The following CTNNA2 variants were observed in gnomAD, a reference collection of about 807,000 sequenced individuals.
CTNNA2 encodes catenin alpha 2.
Under a neutral mutation model 101.0 loss-of-function variants are expected in CTNNA2, and 42 were observed. The ratio of observed to expected loss-of-function variants is 0.42; its 90% CI spans 0.32 to 0.54. The LOEUF is 0.54. Among genes scored for constraint, CTNNA2 ranks in the 20% least tolerant of loss-of-function variants. The pLI is 0.14. For missense variants in CTNNA2, 871 were observed against 1,223.1 expected (o/e 0.71, Z 4.29); for synonymous variants, 450 against 456.4 (o/e 0.99, Z 0.18).
chr2:80,547,330 A>G (rs1435146939), intron 11 of CTNNA2, among the ~76,000 whole-genome samples: 1 of 152,164 alleles, frequency 6.6e-6, no homozygotes, highest in Non-Finnish European at 1.5e-5. Flanking sequence ...TCTCATCAAA[A>G]TTCTATAAAA....
intron 9 of CTNNA2, among the ~76,000 whole-genome samples, chr2:80,537,087 C>T (rs759772943): frequency 2.0e-5 from 3 of 152,058 alleles, no homozygotes; most frequent in Non-Finnish European, 4.4e-5. Context: ...ATCCCACCCC[C>T]TGACAGGCCC....
At position 79,553,211 on chromosome 2, in the gene CTNNA2, A is replaced by G. The variant is rs75250996; in HGVS notation, c.-6+40004A>G. On this transcript the variant is annotated intron_variant, in intron 1 of 18. Coordinates refer to ENST00000402739, the MANE Select transcript of CTNNA2 (RefSeq NM_001282597.3). ...TACTTTCAAGTTCAAATTTCCAAAT[A>G]TGTTCCTTCTCTCCATTGAGACCTC... 8.5e-5 allele frequency among the ~76,000 whole-genome samples: 13 copies of G among 152,246 alleles called. 1 individual carries two copies. In the East Asian group the frequency reaches 1.9e-3, roughly 23 times the overall value.
intron 1 of CTNNA2, among the ~76,000 whole-genome samples, chr2:79,186,121 G>A (rs1465501695): frequency 2.6e-5 from 4 of 152,168 alleles, no homozygotes; most frequent in African/African-American, 9.7e-5. Flanking sequence ...AAGGCTAGGT[G>A]CCTGGGGTTT....
chr2:79,234,842 G>C (rs1274216648), intron 2 of CTNNA2, among the ~76,000 whole-genome samples: 1 of 152,088 alleles, frequency 6.6e-6, no homozygotes, highest in Non-Finnish European at 1.5e-5. Context: ...TTCCAATTGT[G>C]TTGTGGAATT....
rs35795985 is a variant in CTNNA2, at chr2:79,463,985, G to GT, written c.-134-41056dup. Among the ~76,000 whole-genome samples, 837 of 148,502 alleles carry GT rather than the reference G, an allele frequency of 5.6e-3. 8 individuals are homozygous for GT. The highest frequency in any genetic ancestry group is 0.017 in the African/African-American group (701 of 40,512). On this transcript the variant is annotated intron_variant, in intron 4 of 21. Coordinates refer to the CTNNA2 transcript ENST00000466387. Reference sequence around the variant, plus strand: ...GACAGCATGGCCGGGCTTAAAGAAAGTTTTTTTTTTTTTAATACTCTAAGT... The same window carrying GT: ...GACAGCATGGCCGGGCTTAAAGAAAGTTTTTTTTTTTTTTAATACTCTAAGT...
At chr2:80,207,470 G>T (rs886589444) in intron 7 of CTNNA2, among the ~76,000 whole-genome samples, 16 of 152,164 alleles carry the variant, frequency 1.1e-4, no homozygotes, top group Admixed American at 1.0e-3. Context: ...GAGGCAGAGA[G>T]CATCCTTAAA....
At chr2:80,203,471 A>G (rs1707338563) in intron 7 of CTNNA2, among the ~76,000 whole-genome samples, 1 of 152,364 alleles carries the variant, frequency 6.6e-6, no homozygotes, top group Admixed American at 6.5e-5. Flanking sequence ...GGCCCCATGC[A>G]AGTCTGAAAT....
At chr2:80,632,661 C>T (rs1408108642) in intron 18 of CTNNA2, among the ~76,000 whole-genome samples, 1 of 152,072 alleles carries the variant, frequency 6.6e-6, no homozygotes, top group Non-Finnish European at 1.5e-5. Context: ...GCTTATCATG[C>T]CCTCATGCTA....
At chr2:79,678,388 C>G (rs1333941980) in intron 2 of CTNNA2, among the ~76,000 whole-genome samples, 1 of 151,770 alleles carries the variant, frequency 6.6e-6, no homozygotes, top group Non-Finnish European at 1.5e-5. Flanking sequence ...CAAAAAAATC[C>G]AAAAGTTAGT....
chr2:80,383,019 C>A (rs1344420370), intron 7 of CTNNA2, among the ~76,000 whole-genome samples: 1 of 152,104 alleles, frequency 6.6e-6, no homozygotes, highest in Admixed American at 6.6e-5. Flanking sequence ...CATTTTTTAG[C>A]AGTTTGCTCA....
intron 7 of CTNNA2, among the ~76,000 whole-genome samples, chr2:79,985,239 C>A (rs902870746): frequency 1.3e-5 from 2 of 152,190 alleles, no homozygotes; most frequent in Non-Finnish European, 2.9e-5. Flanking sequence ...GTGCTGCACA[C>A]TCCATGCCTT....
At chr2:80,620,436 G>T (rs771596410) in intron 18 of CTNNA2, among the ~76,000 whole-genome samples, 10 of 151,734 alleles carry the variant, frequency 6.6e-5, no homozygotes, top group Non-Finnish European at 1.0e-4. Flanking sequence ...AGCTGATACT[G>T]CCCTCTTTAG....
chr2:79,591,347 C>G (rs571804131), intron 1 of CTNNA2, among the ~76,000 whole-genome samples: 20 of 152,180 alleles, frequency 1.3e-4, no homozygotes, highest in Middle Eastern at 3.4e-3. Context: ...CATTTTAAAC[C>G]ATGACCTTGA....
At chr2:79,551,599 T>A (rs2104056688) in intron 1 of CTNNA2, among the ~76,000 whole-genome samples, 1 of 152,250 alleles carries the variant, frequency 6.6e-6, no homozygotes, top group South Asian at 2.1e-4. Context: ...TCAGGGTGTA[T>A]TAAGCCATTC....
intron 1 of CTNNA2, among the ~76,000 whole-genome samples, chr2:79,538,172 TAATA>T (rs1673186249): frequency 6.6e-6 from 1 of 152,058 alleles, no homozygotes; most frequent in African/African-American, 2.4e-5. Flanking sequence ...TATAACCTAT[TAATA>T]AATACTGTGA....
At position 79,612,165 on chromosome 2, in the gene CTNNA2, A is replaced by G. The variant is rs148700805; in HGVS notation, c.-5-39387A>G. On this transcript the variant is annotated intron_variant, in intron 1 of 18. Transcript: ENST00000402739. ...GTTAGTAGCCAGTCCTGGTAGAACA[A>G]ATGAATCCTGAGTGCAATATTCTGT... 2.0e-5 allele frequency among the ~76,000 whole-genome samples: 3 copies of G among 152,282 alleles called. No homozygotes were observed. In the East Asian group the frequency reaches 5.8e-4, roughly 29 times the overall value.
rs28445001 is a variant in CTNNA2 at position 79,538,892 on chromosome 2, A to G, written c.-6+25685A>G. Among the ~76,000 whole-genome samples the G allele has an allele frequency of 1.6e-3, 237 of 152,324 alleles. 2 individuals are homozygous for G. The highest frequency in any genetic ancestry group is 5.2e-3 in the African/African-American group (218 of 41,576). On this transcript the variant is annotated intron_variant, in intron 1 of 18. Transcript: ENST00000402739. ...TCATAACTGGGAAAGGTGGTGGCAGATAAATCAATTAGGAGGCTCTTGCAG... is the reference window on the plus strand; with the variant it reads ...TCATAACTGGGAAAGGTGGTGGCAGGTAAATCAATTAGGAGGCTCTTGCAG...
chr2:80,368,867 G>GTGTA (rs112571951), intron 7 of CTNNA2, among the ~76,000 whole-genome samples: 8,497 of 144,620 alleles, frequency 0.059, 625 homozygotes, highest in African/African-American at 0.17. Context: ...GTGTGTGTGT[G>GTGTA]TATATATATA....
chr2:79,377,407 A>G, intron 4 of CTNNA2, among the ~76,000 whole-genome samples: 1 of 152,190 alleles, frequency 6.6e-6, no homozygotes, highest in East Asian at 1.9e-4. Context: ...GTACACCAGA[A>G]AGCCAAAATA....
Sources: gnomAD v4.1 joint callset for allele counts (sites outside exome capture counted in the v4.1 genomes callset) on GRCh38, gnomAD v4.1.1 for gene constraint, MANE v1.5 for transcripts, NCBI Gene and HGNC (gene_info 2026-07-23, HGNC 2026-07-21) for gene names.